Variants in FREM2 observed in about 807,000 individuals in gnomAD.
FREM2 encodes the protein FRAS1 related extracellular matrix 2.
A neutral mutation model predicts 219.9 loss-of-function variants in FREM2; 119 were observed. The observed-to-expected ratio is 0.54, with a 90% CI of 0.47 to 0.63. The LOEUF is 0.63. FREM2 is among the 30% of genes least tolerant of loss of function. The probability of loss-of-function intolerance (pLI) is 0.00; values close to 1 mark genes in which losing one functional copy is unlikely to be tolerated. For synonymous variants in FREM2, 1,562 were observed against 1,522.8 expected (o/e 1.03, Z -0.60); for missense variants, 4,030 against 3,993.6 (o/e 1.01, Z -0.25).
intron 2 of FREM2, among the ~76,000 whole-genome samples, chr13:38,763,078 A>T (rs1873293985): frequency 6.6e-6 from 1 of 152,220 alleles, no homozygotes; most frequent in African/African-American, 2.4e-5. Context: ...GAGCGACAAG[A>T]TTGAAGGATA....
rs1461950211 is a variant in FREM2, at chr13:38,848,669, T to C, written c.6378T>C (p.Asp2126=). The C allele has an allele frequency of 3.1e-6, 5 of 1,608,588 alleles. No individual in the cohort carries two copies. Among genetic ancestry groups the C allele is most frequent in the African/African-American group, 2.7e-5 (2 of 74,812 alleles). The change falls in exon 8 of 24, where the codon GAT becomes GAC. Residue 2126 remains aspartate, a splice_region_variant and synonymous_variant. Transcript: ENST00000280481. ...ATVSINDSVS[D]LPKMQFKERI... ...TGTCCATAAATGACTCTGTCTCCGA[T>C]TGTGAGTGTTTATTAATTTTATAAT...
intron 2 of FREM2, among the ~76,000 whole-genome samples, chr13:38,734,166 C>CAA (rs1232388318): frequency 1.4e-5 from 2 of 140,718 alleles, no homozygotes; most frequent in African/African-American, 5.2e-5. Flanking sequence ...TGCACACACA[C>CAA]AAAAAAAAAA....
chr13:38,791,526 C>G (rs1420363146), intron 6 of FREM2, among the ~76,000 whole-genome samples: 1 of 152,126 alleles, frequency 6.6e-6, no homozygotes, highest in African/African-American at 2.4e-5. Context: ...TTCCACATGC[C>G]CGGGAAGGCC....
chr13:38,724,660 AT>A (rs1246528614), intron 2 of FREM2, among the ~76,000 whole-genome samples: 1 of 152,184 alleles, frequency 6.6e-6, no homozygotes, highest in African/African-American at 2.4e-5. Flanking sequence ...ATGGAGGCTG[AT>A]TTCAGGGGTA....
At chr13:38,794,632 A>T (rs971860298) in intron 6 of FREM2, among the ~76,000 whole-genome samples, 2 of 151,912 alleles carry the variant, frequency 1.3e-5, no homozygotes, top group South Asian at 4.2e-4. Flanking sequence ...AAATGGGGAT[A>T]CTAGTTTTAC....
At position 38,692,312 on chromosome 13, in the gene FREM2, C is replaced by A; in HGVS notation, c.4968C>A (p.Pro1656=). Residue 1656 remains proline, a synonymous_variant, in exon 1 of 24, where the codon CCC becomes CCA. Coordinates refer to ENST00000280481, the MANE Select transcript of FREM2 (RefSeq NM_207361.6). ...TCTTGGCTGTTGACAACAGTGTCCC[C>A]CAAATCGCAGTGAATAAGGGGGCCT... The part of the protein sequence containing the change: ...IQVLAVDNSV[P]QIAVNKGAST... 1 of 1,609,430 alleles carries A rather than the reference C, an allele frequency of 6.2e-7. No individual in the cohort carries two copies. The highest frequency in any genetic ancestry group is 8.5e-7 in the Non-Finnish European group (1 of 1,177,424).
chr13:38,727,816 AT>A (rs1410556560), intron 2 of FREM2, among the ~76,000 whole-genome samples: 1 of 152,184 alleles, frequency 6.6e-6, no homozygotes, highest in Non-Finnish European at 1.5e-5. Flanking sequence ...ATATTTCATC[AT>A]TTTATCATAT....
At chr13:38,789,647 A>C (rs997893498) in intron 6 of FREM2, among the ~76,000 whole-genome samples, 1 of 151,104 alleles carries the variant, frequency 6.6e-6, no homozygotes, top group Non-Finnish European at 1.5e-5. Flanking sequence ...CTTACCTTCC[A>C]GTTGGCTAAT....
In FREM2 at chr13:38,842,288, A is replaced by G. The variant is rs563820210; in HGVS notation, c.6020-4285A>G. On this transcript the variant is annotated intron_variant, in intron 6 of 23. Transcript: ENST00000280481. Reference sequence around the variant, plus strand: ...GGCTTTCAGCAAAGGGAGTACTATGATGAGATTTGCTTTGAGGGATGACCA... The same window carrying G: ...GGCTTTCAGCAAAGGGAGTACTATGGTGAGATTTGCTTTGAGGGATGACCA... Among the ~76,000 whole-genome samples, 16 of 152,330 alleles carry G rather than the reference A, an allele frequency of 1.1e-4. 1 individual carries two copies. The South Asian group carries it at 3.3e-3, about 32-fold the overall frequency.
At chr13:38,746,254 G>T (rs184006267) in intron 2 of FREM2, among the ~76,000 whole-genome samples, 1 of 152,058 alleles carries the variant, frequency 6.6e-6, no homozygotes, top group African/African-American at 2.4e-5. Context: ...TTTTGATAAG[G>T]CTTGCAAAAC....
chr13:38,833,988 T>G (rs1248590484), intron 6 of FREM2, among the ~76,000 whole-genome samples: 2 of 152,132 alleles, frequency 1.3e-5, no homozygotes, highest in Non-Finnish European at 1.5e-5. Flanking sequence ...AGGAAAAAAT[T>G]TCAAAGCTAC....
chr13:38,795,070 T>C (rs925267724), intron 6 of FREM2, among the ~76,000 whole-genome samples: 1 of 152,130 alleles, frequency 6.6e-6, no homozygotes, highest in Non-Finnish European at 1.5e-5. Flanking sequence ...GCATTACCAC[T>C]AGGCTGTAAT....
intron 6 of FREM2, among the ~76,000 whole-genome samples, chr13:38,789,335 A>G (rs562087565): frequency 8.6e-5 from 13 of 152,010 alleles, no homozygotes; most frequent in African/African-American, 3.1e-4. Context: ...TATATTATCT[A>G]CATTTTCAAA....
chr13:38,851,268 C>G (rs1025890860), intron 10 of FREM2, among the ~76,000 whole-genome samples, 160 bp downstream of exon 10: 1 of 152,092 alleles, frequency 6.6e-6, no homozygotes, highest in Non-Finnish European at 1.5e-5. Context: ...AAATGGGGAA[C>G]AAAATAAACC....
intron 2 of FREM2, among the ~76,000 whole-genome samples, chr13:38,723,096 G>C (rs1871362655): frequency 6.6e-6 from 1 of 151,980 alleles, no homozygotes; most frequent in African/African-American, 2.4e-5. Flanking sequence ...TTAGCTGCAT[G>C]TGGTGGTGCC....
chr13:38,859,527 A>G lies in FREM2; in HGVS notation c.7456A>G (p.Asn2486Asp), dbSNP rs759009188. Residue 2486 changes from asparagine (N) to aspartate (D), a missense_variant, in exon 14 of 24, where the codon AAC (asparagine) becomes GAC (aspartate). Physicochemically the swap from Asn to Asp is conservative, Grantham distance 23. Around this residue, in one of 2 missense-constraint regions of FREM2, gnomAD observed 928 missense variants for 1,042.9 expected, o/e 0.89. Coordinates refer to ENST00000280481, the MANE Select transcript of FREM2 (RefSeq NM_207361.6). ...GGTACAGTGCGCAGCTCGTGCTGTG[A>G]ACACCAATGGGGATGAAGGCCTGGA... ...SRVQCAARAV[N>D]TNGDEGLELM... The G allele has an allele frequency of 6.2e-7, 1 of 1,614,120 alleles. No homozygotes were observed. The highest frequency in any genetic ancestry group is 1.1e-5 in the South Asian group (1 of 91,074).
rs766909784 is a variant in FREM2 at position 38,876,235 on chromosome 13, C to T, written c.8410-13C>T. The T allele has an allele frequency of 6.2e-7, 1 of 1,613,892 alleles. No homozygotes were observed. Among genetic ancestry groups the T allele is most frequent in the South Asian group, 1.1e-5 (1 of 91,062 alleles). ...ATTTTTAAATGTAATATATCAATAT[C>T]TTCTCCTCAAAGGTACGTGACTACT... On this transcript the variant is annotated splice_polypyrimidine_tract_variant and intron_variant, in intron 19 of 23. Coordinates refer to ENST00000280481, the MANE Select transcript of FREM2 (RefSeq NM_207361.6).
At chr13:38,849,093 C>T (rs1449522439) in intron 8 of FREM2, among the ~76,000 whole-genome samples, 3 of 152,110 alleles carry the variant, frequency 2.0e-5, no homozygotes, top group Admixed American at 6.6e-5. Context: ...ACCCAGCCTA[C>T]CAATAAGGTC....
intron 4 of FREM2, among the ~76,000 whole-genome samples, chr13:38,774,443 G>A (rs544658022): frequency 6.6e-6 from 1 of 152,202 alleles, no homozygotes; most frequent in African/African-American, 2.4e-5. Context: ...CCCCTAGATT[G>A]TTACAATTAA....
Sources: allele counts gnomAD v4.1 joint callset (sites outside exome capture counted in the v4.1 genomes callset), GRCh38; gene constraint gnomAD v4.1.1; regional missense constraint gnomAD v4.1.1; transcripts MANE v1.5; gene names NCBI Gene and HGNC (gene_info 2026-07-23, HGNC 2026-07-21).